The following DPP9 variants were observed in gnomAD, a reference collection of about 807,000 sequenced individuals.
DPP9 encodes the protein dipeptidyl peptidase 9.
Under a neutral mutation model 110.7 loss-of-function variants are expected in DPP9, and 50 were observed. The ratio of observed to expected loss-of-function variants is 0.45; its 90% CI spans 0.36 to 0.57. DPP9 has a LOEUF of 0.57. Ranked by LOEUF, DPP9 falls within the 20% of genes least tolerant of loss-of-function variation. The pLI is 0.00. For synonymous variants in DPP9, 561 were observed against 514.4 expected, an observed-to-expected ratio of 1.09 and a Z score of -1.23; for missense variants, 1,022 against 1,217.9, an observed-to-expected ratio of 0.84 and a Z score of 2.39.
chr19:4,719,505 C>T (rs185614113), intron 3 of DPP9: 1 of 339,718 alleles, frequency 2.9e-6, no homozygotes, highest in African/African-American at 2.1e-5. Context: ...GTGATTCTGC[C>T]CCCAGCAAAC....
chr19:4,679,317 C>T, intron 21 of DPP9: 1 of 157,394 alleles, frequency 6.4e-6, no homozygotes, highest in Non-Finnish European at 1.4e-5. Context: ...CTAGACTGAG[C>T]CCCACGTTGC....
At chr19:4,692,365 C>T (rs1011416474) in intron 13 of DPP9, among the ~76,000 whole-genome samples, 7 of 152,100 alleles carry the variant, frequency 4.6e-5, no homozygotes, top group African/African-American at 9.7e-5. Context: ...GTCAGGAGCA[C>T]GGGAGGGCAG....
chr19:4,699,925 G>A (rs1355990380), intron 10 of DPP9, among the ~76,000 whole-genome samples: 2 of 152,206 alleles, frequency 1.3e-5, no homozygotes, highest in South Asian at 2.1e-4. Context: ...AGCACCTGCC[G>A]CGCCTGTCCT....
chr19:4,695,671 C>T lies in DPP9; in HGVS notation c.1176-116G>A, dbSNP rs542840737. 33 of 908,098 alleles carry T rather than the reference C, an allele frequency of 3.6e-5. No homozygotes were observed. The highest frequency in any genetic ancestry group is 2.8e-4 in the African/African-American group (16 of 57,042). The allele number at this position is 908,098 out of a possible 1,614,324, so 56.3% of individuals were successfully genotyped here. On this transcript the variant is annotated intron_variant, in intron 11 of 21. Transcript: ENST00000262960. This position sits in a 1 kb window ranked among gnomAD's most constrained non-coding sequence, Gnocchi z 4.7. Reference sequence around the variant, plus strand: ...TGTGGAATCAGGGCTGGGCTTCCTGCGCTGGCTTCACCTGCACTTGGCCAA... The same window carrying T: ...TGTGGAATCAGGGCTGGGCTTCCTGTGCTGGCTTCACCTGCACTTGGCCAA...
At position 4,680,004 on chromosome 19, in the gene DPP9, A is replaced by T. The variant is rs553439171; in HGVS notation, c.2475-58T>A. On this transcript the variant is annotated intron_variant, in intron 20 of 21. Coordinates refer to ENST00000262960, the MANE Select transcript of DPP9 (RefSeq NM_139159.5). ...GGGATTGTCCGTGGGGTAGGAGGGG[A>T]GCAGATCACAAGGTCAGGAGTTTGA... 5.0e-5 allele frequency: 63 copies of T among 1,270,298 alleles called. No individual in the cohort carries two copies. The East Asian group carries it at 9.9e-4, about 20-fold the overall frequency. 78.7% of individuals were successfully genotyped at this position (1,270,298 alleles called of 1,614,324 possible).
intron 21 of DPP9, among the ~76,000 whole-genome samples, chr19:4,678,113 CT>C (rs998983513): frequency 6.7e-4 from 99 of 146,918 alleles, no homozygotes; most frequent in East Asian, 5.1e-3. Context: ...TCTTTCTTTT[CT>C]TTTTTTTTTT....
Position 4,695,638 on chromosome 19 carries a change from C to A in DPP9, c.1176-83G>T. On this transcript the variant is annotated intron_variant, in intron 11 of 21. Coordinates refer to ENST00000262960, the MANE Select transcript of DPP9 (RefSeq NM_139159.5). This position sits in a 1 kb window ranked among gnomAD's most constrained non-coding sequence, Gnocchi z 4.7. ...ACAGAGAAGCTGGGGACGCAGCGTC[C>A]AAACCCGTGTGGAATCAGGGCTGGG... is the stretch of plus-strand genomic sequence containing the variant. 2 of 1,252,458 alleles carry A rather than the reference C, an allele frequency of 1.6e-6. No homozygotes were observed. Among genetic ancestry groups the A allele is most frequent in the Non-Finnish European group, 2.1e-6 (2 of 943,100 alleles). The allele number at this position is 1,252,458 out of a possible 1,614,324, so 77.6% of individuals were successfully genotyped here.
At position 4,702,052 on chromosome 19, in the gene DPP9, C is replaced by T. The variant is rs368455492; in HGVS notation, c.987G>A (p.Thr329=). The change falls in exon 9 of 22, where the codon ACG becomes ACA. Residue 329 remains threonine (T), a synonymous_variant. Transcript: ENST00000262960. ...CTGTCCTGGGGTACCGATACGAGTC[C>T]GTCTTCCTTTCTTCTAGCGCAGGAG... ...VPSPALEERK[T]DSYRYPRTGS... 36 of 1,613,784 alleles carry T rather than the reference C, an allele frequency of 2.2e-5. No homozygotes were observed. The African/African-American group carries it at 2.9e-4, about 13-fold the overall frequency.
At chr19:4,680,235 C>CAAAA (rs71168922) in intron 20 of DPP9, among the ~76,000 whole-genome samples, 2 of 70,868 alleles carry the variant, frequency 2.8e-5, no homozygotes, top group Admixed American at 1.7e-4. Flanking sequence ...GACAGCATCT[C>CAAAA]AAAAAAAAAA....
intron 19 of DPP9, 46 bp downstream of exon 19, chr19:4,683,431 G>T (rs1045346369): frequency 7.5e-6 from 12 of 1,607,882 alleles, no homozygotes; most frequent in Non-Finnish European, 1.0e-5. Context: ...GATGGGGAAG[G>T]GGGCAGGGAG....
At chr19:4,714,022 C>T in intron 4 of DPP9, 59 bp downstream of exon 4, 2 of 1,535,846 alleles carry the variant, frequency 1.3e-6, no homozygotes, top group Non-Finnish European at 1.8e-6. Flanking sequence ...CAGAGAGGAC[C>T]AGGGAACTGT....
At chr19:4,706,330 C>CA (rs59568017) in intron 4 of DPP9, among the ~76,000 whole-genome samples, 42,972 of 105,446 alleles carry the variant, frequency 0.41, 8,350 homozygotes, top group African/African-American at 0.55. Flanking sequence ...GGCCCCGTCT[C>CA]AAAAAAAAAA....
At position 4,700,676 on chromosome 19, in the gene DPP9, G is replaced by A. The variant is rs559443605; in HGVS notation, c.1013-399C>T. Among the ~76,000 whole-genome samples the A allele has an allele frequency of 7.9e-5, 12 of 152,288 alleles. No individual in the cohort carries two copies. The highest frequency in any genetic ancestry group is 2.9e-4 in the African/African-American group (12 of 41,566). On this transcript the variant is annotated intron_variant, in intron 9 of 21. Transcript: ENST00000262960. This position sits in a 1 kb window ranked among gnomAD's most constrained non-coding sequence, Gnocchi z 4.3. Reference sequence around the variant, plus strand: ...GAGGCATCACAGTAAAACTGACAACGTGACAAGTGGGGTGTGTCCCATGCA... The same window carrying A: ...GAGGCATCACAGTAAAACTGACAACATGACAAGTGGGGTGTGTCCCATGCA...
At chr19:4,686,033 C>G (rs2090651481) in intron 16 of DPP9, 1 of 414,894 alleles carries the variant, frequency 2.4e-6, no homozygotes. Context: ...CCACCTCGGC[C>G]TCCTGTGTAG....
At chr19:4,707,461 C>A (rs2092639333) in intron 4 of DPP9, among the ~76,000 whole-genome samples, 2 of 152,056 alleles carry the variant, frequency 1.3e-5, no homozygotes, top group South Asian at 4.1e-4. Context: ...ATAAAGCTGT[C>A]CAGTAGCCCA....
intron 20 of DPP9, among the ~76,000 whole-genome samples, chr19:4,681,885 C>T (rs546509517): frequency 1.5e-4 from 19 of 128,644 alleles, no homozygotes; most frequent in African/African-American, 5.7e-4. Context: ...CTGGCTCTGT[C>T]GCCCAGACTG....
At chr19:4,713,725 G>A (rs1222831056) in intron 4 of DPP9, among the ~76,000 whole-genome samples, 1 of 152,076 alleles carries the variant, frequency 6.6e-6, no homozygotes, top group East Asian at 1.9e-4. Context: ...CCCGGACCAG[G>A]TGGCTGGGAA....
chr19:4,688,475 C>T, intron 16 of DPP9: 1 of 368,370 alleles, frequency 2.7e-6, no homozygotes, highest in Non-Finnish European at 4.8e-6. Context: ...CTGTGTCTCA[C>T]TGGTTACCAT....
At chr19:4,713,989 C>G (rs975010348) in intron 4 of DPP9, 92 bp downstream of exon 4, 27 of 1,464,540 alleles carry the variant, frequency 1.8e-5, no homozygotes, top group Non-Finnish European at 9.0e-6. Flanking sequence ...GCAGATCTTC[C>G]AACTCCTGTG....
Sources: gnomAD v4.1 joint callset for allele counts (sites outside exome capture counted in the v4.1 genomes callset) on GRCh38, gnomAD v4.1.1 for gene constraint, Gnocchi (gnomAD v3.1) non-coding constraint, MANE v1.5 for transcripts, NCBI Gene and HGNC (gene_info 2026-07-23, HGNC 2026-07-21) for gene names.